The following RELN variants were observed in gnomAD, a reference collection of about 807,000 sequenced individuals.
The protein encoded by RELN is reelin.
A neutral mutation model predicts 427.6 loss-of-function variants in RELN; 108 were observed. The ratio of observed to expected loss-of-function variants is 0.25; its 90% CI spans 0.22 to 0.30. The LOEUF (loss-of-function observed/expected upper bound fraction) is 0.30, where lower values mean the gene tolerates loss of function less well. Ranked by LOEUF, RELN falls within the 10% of genes least tolerant of loss-of-function variation. RELN has a pLI of 1.00. For synonymous variants in RELN, 1,524 were observed against 1,513.4 expected (o/e 1.01, Z -0.16); for missense variants, 3,715 against 4,302.8 (o/e 0.86, Z 3.82).
intron 48 of RELN, among the ~76,000 whole-genome samples, chr7:103,519,786 G>T (rs1233955702): frequency 6.6e-6 from 1 of 152,052 alleles, no homozygotes; most frequent in African/African-American, 2.4e-5. Context: ...TGTTGTCCAG[G>T]CTGGTCTTAA....
intron 19 of RELN, among the ~76,000 whole-genome samples, chr7:103,631,227 A>T (rs909380023): frequency 1.4e-5 from 2 of 147,862 alleles, no homozygotes; most frequent in Non-Finnish European, 3.0e-5. Flanking sequence ...AAGAAAACAT[A>T]TTTTCTAAAT....
intron 16 of RELN, among the ~76,000 whole-genome samples, chr7:103,648,013 A>G (rs1832832935): frequency 6.6e-6 from 1 of 152,126 alleles, no homozygotes; most frequent in Admixed American, 6.6e-5. Flanking sequence ...AGAAGAATGA[A>G]ACTGGACCCA....
At chr7:103,756,217 G>A (rs1354776783) in intron 4 of RELN, among the ~76,000 whole-genome samples, 1 of 152,118 alleles carries the variant, frequency 6.6e-6, no homozygotes. Flanking sequence ...TGGACACATG[G>A]AAGCTTTCAC....
intron 26 of RELN, 23 bp downstream of exon 26, chr7:103,594,298 G>A: frequency 6.3e-7 from 1 of 1,599,568 alleles, no homozygotes; most frequent in Non-Finnish European, 8.6e-7. Context: ...CTGTCTTCTT[G>A]GAGTTCAGAC....
rs773262289 is a variant in RELN, at chr7:103,498,228, T to C, written c.8692A>G (p.Ser2898Gly). 14 of 1,613,918 alleles carry C rather than the reference T, an allele frequency of 8.7e-6. No individual in the cohort carries two copies. The highest frequency in any genetic ancestry group is 2.7e-5 in the African/African-American group (2 of 74,890). The change falls in exon 54 of 65, where the codon AGT (serine) becomes GGT (glycine). Residue 2898 changes from serine to glycine, a missense_variant. Around this residue, in one of 4 missense-constraint regions of RELN, gnomAD observed 1,310 missense variants for 1,643.0 expected, o/e 0.80. Transcript: ENST00000428762. ...CATAAGTCAGGTTTGATTTCTTCAC[T>C]GTCAAAGCGTTCCTTCAGGAAAGTC... ...LKTFLKERFD[S>G]EEIKPDLWMS...
At chr7:103,924,731 A>G (rs981321240) in intron 1 of RELN, among the ~76,000 whole-genome samples, 3 of 152,178 alleles carry the variant, frequency 2.0e-5, no homozygotes, top group Non-Finnish European at 2.9e-5. Context: ...TGGCACCACC[A>G]GTAATAAAAG....
chr7:103,820,317 G>T (rs1424196199), intron 3 of RELN, among the ~76,000 whole-genome samples: 1 of 151,996 alleles, frequency 6.6e-6, no homozygotes, highest in Non-Finnish European at 1.5e-5. Flanking sequence ...TAATATGATT[G>T]TAAGGTACAT....
chr7:103,952,835 A>G (rs1317027147), intron 1 of RELN, among the ~76,000 whole-genome samples: 2 of 152,204 alleles, frequency 1.3e-5, no homozygotes, highest in African/African-American at 2.4e-5. Flanking sequence ...AAACACTCAC[A>G]GAGGATGAAA....
At chr7:103,509,672 A>G (rs1407194997) in intron 51 of RELN, among the ~76,000 whole-genome samples, 1 of 152,210 alleles carries the variant, frequency 6.6e-6, no homozygotes, top group African/African-American at 2.4e-5. Flanking sequence ...AATTAAACTA[A>G]AGAGCTCCTG....
chr7:103,704,680 TAAAAA>T (rs543516208), intron 8 of RELN, among the ~76,000 whole-genome samples: 1 of 142,676 alleles, frequency 7.0e-6, no homozygotes, highest in African/African-American at 2.6e-5. Flanking sequence ...ATCTCCTATC[TAAAAA>T]AAAAAAAACT....
Position 103,983,464 on chromosome 7 carries a change from A to T in RELN, c.226+5667T>A, listed in dbSNP as rs527474240. ...ATGCGGAATGTCCTAAGAGCCAATA[A>T]TTTTTTAAAGCTACACAATTCCTGC... On this transcript the variant is annotated intron_variant, in intron 1 of 64. Transcript: ENST00000428762. 2.0e-5 allele frequency among the ~76,000 whole-genome samples: 3 copies of T among 152,332 alleles called. No homozygotes were observed. The East Asian group carries it at 5.8e-4, about 29-fold the overall frequency.
At chr7:103,656,572 C>T (rs530491165) in intron 12 of RELN, among the ~76,000 whole-genome samples, 1 of 152,154 alleles carries the variant, frequency 6.6e-6, no homozygotes, top group African/African-American at 2.4e-5. Context: ...AAAGGTTTTA[C>T]AGGTAGATCA....
chr7:103,483,427 C>T (rs1359203126), intron 62 of RELN, among the ~76,000 whole-genome samples: 2 of 152,212 alleles, frequency 1.3e-5, no homozygotes, highest in Non-Finnish European at 2.9e-5. Flanking sequence ...TTATTATTGT[C>T]TATTCCCTCT....
At chr7:103,825,675 A>G (rs910052326) in intron 3 of RELN, among the ~76,000 whole-genome samples, 1 of 152,158 alleles carries the variant, frequency 6.6e-6, no homozygotes, top group African/African-American at 2.4e-5. Flanking sequence ...AACTTTCTGT[A>G]ATAATGGAAA....
At chr7:103,506,004 A>C (rs1189416232) in intron 51 of RELN, among the ~76,000 whole-genome samples, 2 of 152,246 alleles carry the variant, frequency 1.3e-5, no homozygotes, top group Non-Finnish European at 2.9e-5. Context: ...AATGAAGATC[A>C]AATCAATGAA....
chr7:103,736,488 A>T lies in RELN; in HGVS notation c.657-8281T>A, dbSNP rs78088442. Among the ~76,000 whole-genome samples the T allele has an allele frequency of 8.1e-3, 1,239 of 152,232 alleles. 22 individuals are homozygous for T. Among genetic ancestry groups the T allele is most frequent in the African/African-American group, 0.028 (1,168 of 41,532 alleles). ...CATACTGTAAATGCGAAAATGACAAACTCCATTTATAGCTCATTCTTTCTC... is the reference window on the plus strand; with the variant it reads ...CATACTGTAAATGCGAAAATGACAATCTCCATTTATAGCTCATTCTTTCTC... On this transcript the variant is annotated intron_variant, in intron 6 of 64. Transcript: ENST00000428762.
intron 1 of RELN, among the ~76,000 whole-genome samples, chr7:103,926,512 C>A (rs1442204691): frequency 1.3e-5 from 2 of 151,924 alleles, no homozygotes; most frequent in Non-Finnish European, 2.9e-5. Context: ...CTTGATAATA[C>A]TCGTGCGTAT....
At chr7:103,524,997 C>T (rs1829791805) in intron 46 of RELN, among the ~76,000 whole-genome samples, 1 of 152,110 alleles carries the variant, frequency 6.6e-6, no homozygotes, top group Non-Finnish European at 1.5e-5. Context: ...CCTCTGCTTC[C>T]CTCCCTCATC....
At position 103,953,258 on chromosome 7, in the gene RELN, G is replaced by T. The variant is rs948690038; in HGVS notation, c.226+35873C>A. Among the ~76,000 whole-genome samples, 1 of 152,160 alleles carries T rather than the reference G, an allele frequency of 6.6e-6. No individual in the cohort carries two copies. The highest frequency in any genetic ancestry group is 1.5e-5 in the Non-Finnish European group (1 of 68,030). ...TTATTGCAAACAGTTGATTGAAAAAGTTAAAATACTGCCCTACTTGAAACT... is the reference window on the plus strand; with the variant it reads ...TTATTGCAAACAGTTGATTGAAAAATTTAAAATACTGCCCTACTTGAAACT... On this transcript the variant is annotated intron_variant, in intron 1 of 64. Transcript: ENST00000428762. This position sits in a 1 kb window ranked among gnomAD's most constrained non-coding sequence, Gnocchi z 4.3.
Sources: gnomAD v4.1 joint callset for allele counts (sites outside exome capture counted in the v4.1 genomes callset) on GRCh38, gnomAD v4.1.1 for gene constraint, gnomAD v4.1.1 regional missense constraint, Gnocchi (gnomAD v3.1) non-coding constraint, MANE v1.5 for transcripts, NCBI Gene and HGNC (gene_info 2026-07-23, HGNC 2026-07-21) for gene names.